The following GSN variants were observed in gnomAD, a reference collection of about 807,000 sequenced individuals.
GSN encodes the protein gelsolin.
GSN carries 56 observed loss-of-function variants against 85.7 expected under a neutral mutation model. That is an observed-to-expected ratio of 0.65 (90% CI 0.53 to 0.82). The LOEUF (loss-of-function observed/expected upper bound fraction) is 0.82, where lower values mean the gene tolerates loss of function less well. GSN is among the 40% of genes least tolerant of loss of function. The pLI, the probability that GSN is intolerant of heterozygous loss-of-function variation, is 0.00. For synonymous variants in GSN, 373 were observed against 399.1 expected (o/e 0.93, Z 0.78); for missense variants, 857 against 979.8 (o/e 0.87, Z 1.67).
Position 121,299,805 on chromosome 9 carries a change from A to T in GSN, c.-9-2158A>T. 1 of 1,278,816 alleles carries T rather than the reference A, an allele frequency of 7.8e-7. No homozygotes were observed. The highest frequency in any genetic ancestry group is 9.9e-7 in the Non-Finnish European group (1 of 1,005,446). The allele number at this position is 1,278,816 out of a possible 1,614,324, so 79.2% of individuals were successfully genotyped here. ...GGGCGGGATGGGCGGGCGGCTACTT[A>T]AGGTCGGCGACCCGAGGCCGCGGCT... On this transcript the variant is annotated intron_variant, in intron 2 of 17. Coordinates refer to ENST00000432226, the MANE Select transcript of GSN (RefSeq NM_198252.3). The surrounding 1 kb of genome is among the most constrained non-coding windows in gnomAD (Gnocchi z 4.2).
At chr9:121,324,023 C>A (rs2062836517) in intron 11 of GSN, among the ~76,000 whole-genome samples, 1 of 152,152 alleles carries the variant, frequency 6.6e-6, no homozygotes, top group African/African-American at 2.4e-5. Flanking sequence ...AGACAATATG[C>A]AAAGAGGTGG....
chr9:121,320,483 A>G (rs1264143515), intron 10 of GSN, among the ~76,000 whole-genome samples: 5 of 152,130 alleles, frequency 3.3e-5, no homozygotes, highest in Non-Finnish European at 7.4e-5. Context: ...CGTCTCTACT[A>G]AAAATACAAA....
At chr9:121,288,776 G>A (rs1340510809) in intron 2 of GSN, among the ~76,000 whole-genome samples, 2 of 152,072 alleles carry the variant, frequency 1.3e-5, no homozygotes, top group Non-Finnish European at 2.9e-5. Context: ...TACTTCTAAG[G>A]GGTGGGACCT....
intron 11 of GSN, 126 bp from the exon 12 acceptor site, chr9:121,324,428 C>T: frequency 1.5e-6 from 1 of 684,676 alleles, no homozygotes; most frequent in East Asian, 2.7e-5. Context: ...CTGAAAGAGT[C>T]CCCTTCCCTC....
At chr9:121,213,544 A>C (rs200905079) in intron 4 of GSN, among the ~76,000 whole-genome samples, 12 of 152,346 alleles carry the variant, frequency 7.9e-5, no homozygotes, top group Admixed American at 5.2e-4. Context: ...CCAAGCCAGA[A>C]GAAAGTGAAG....
At chr9:121,233,309 C>T (rs888848966) in intron 5 of GSN, among the ~76,000 whole-genome samples, 5 of 151,964 alleles carry the variant, frequency 3.3e-5, no homozygotes, top group African/African-American at 1.2e-4. Context: ...ACTAAAAATA[C>T]AAAAAATTAG....
intron 4 of GSN, chr9:121,231,055 G>A (rs1374392980): frequency 2.0e-5 from 3 of 152,160 alleles, no homozygotes; most frequent in Non-Finnish European, 4.4e-5. Context: ...GGTAAGCATC[G>A]CTATACTCCT....
At chr9:121,327,103 A>G (rs1329618365) in intron 13 of GSN, 1 of 716,478 alleles carries the variant, frequency 1.4e-6, no homozygotes. Context: ...TTTTAGAATC[A>G]TGTTGGCTAG....
At chr9:121,294,543 T>C (rs972049634) in intron 2 of GSN, among the ~76,000 whole-genome samples, 1 of 152,156 alleles carries the variant, frequency 6.6e-6, no homozygotes, top group African/African-American at 2.4e-5. Context: ...TGGGGCTGGC[T>C]CCGGAAGCTG....
chr9:121,250,320 T>C (rs2054794195), intron 6 of GSN, among the ~76,000 whole-genome samples: 1 of 150,100 alleles, frequency 6.7e-6, no homozygotes, highest in South Asian at 2.2e-4. Flanking sequence ...ATCTCCTGCC[T>C]CAGCCTCCTG....
In GSN at chr9:121,332,827, AAC is replaced by A; in HGVS notation, c.*226_*227del. 3 of 565,562 alleles carry A rather than the reference AAC, an allele frequency of 5.3e-6. No individual in the cohort carries two copies. The highest frequency in any genetic ancestry group is 9.5e-6 in the Non-Finnish European group (3 of 317,348). The allele number at this position is 565,562 out of a possible 1,614,324, so 35.0% of individuals were successfully genotyped here. ...TGTTTGGGAAATTAAATCCAATAAA[AAC>A]ATTTTGAAGTGTGTACTCTAGTGTG... On this transcript the variant is annotated 3_prime_UTR_variant, in exon 18 of 18. Coordinates refer to ENST00000432226, the MANE Select transcript of GSN (RefSeq NM_198252.3). This position sits in a 1 kb window ranked among gnomAD's most constrained non-coding sequence, Gnocchi z 4.8.
intron 1 of GSN, among the ~76,000 whole-genome samples, chr9:121,270,458 A>G (rs1054930026): frequency 6.6e-6 from 1 of 152,222 alleles, no homozygotes; most frequent in Admixed American, 6.5e-5. Flanking sequence ...AGCAGTGGCC[A>G]CTGGGATGGG....
intron 2 of GSN, among the ~76,000 whole-genome samples, chr9:121,290,245 A>C (rs1221834068): frequency 6.6e-6 from 1 of 152,150 alleles, no homozygotes; most frequent in South Asian, 2.1e-4. Flanking sequence ...ACCCGGGGAC[A>C]GAAGGCAGCA....
chr9:121,299,723 CCAAGATCCGAGACAGA>C lies in GSN; in HGVS notation c.-9-2239_-9-2224del. 9.5e-7 allele frequency: 1 copy of C among 1,052,934 alleles called. No homozygotes were observed. The highest frequency in any genetic ancestry group is 1.2e-6 in the Non-Finnish European group (1 of 842,638). 65.2% of individuals were successfully genotyped at this position (1,052,934 alleles called of 1,614,324 possible). ...GATCCGGGTGGGAACCCAGATGTCT[CCAAGATCCGAGACAGA>C]TCCCCGCCCCGCGCCCTCCCTGGGG... On this transcript the variant is annotated intron_variant, in intron 2 of 17. Transcript: ENST00000432226. The surrounding 1 kb of genome is among the most constrained non-coding windows in gnomAD (Gnocchi z 4.2).
chr9:121,208,020 C>A (rs1410408811), intron 1 of GSN: 1 of 151,860 alleles, frequency 6.6e-6, no homozygotes, highest in Non-Finnish European at 1.5e-5. Context: ...CTCTTGAGCT[C>A]AAGGGATCCA....
intron 4 of GSN, among the ~76,000 whole-genome samples, chr9:121,223,343 A>G (rs979767607): frequency 6.6e-6 from 1 of 152,118 alleles, no homozygotes; most frequent in Non-Finnish European, 1.5e-5. Context: ...ATGTCTGACT[A>G]ACTACCTACT....
At chr9:121,215,927 GA>G (rs1261922063) in intron 4 of GSN, among the ~76,000 whole-genome samples, 1 of 151,682 alleles carries the variant, frequency 6.6e-6, no homozygotes, top group Non-Finnish European at 1.5e-5. Flanking sequence ...AATTAATTTT[GA>G]AAAAAATAGC....
At chr9:121,258,375 A>G (rs898109379) in intron 6 of GSN, among the ~76,000 whole-genome samples, 19 of 152,126 alleles carry the variant, frequency 1.2e-4, no homozygotes, top group Non-Finnish European at 2.4e-4. Context: ...AGGCATGAGA[A>G]TTGCTTGAAC....
chr9:121,255,648 ACTTT>A (rs1179988020), intron 6 of GSN, among the ~76,000 whole-genome samples: 1 of 152,120 alleles, frequency 6.6e-6, no homozygotes, highest in Non-Finnish European at 1.5e-5. Flanking sequence ...AAGGATTTCC[ACTTT>A]CTTTGTTTAT....
Sources: gnomAD v4.1 joint callset for allele counts (sites outside exome capture counted in the v4.1 genomes callset) on GRCh38, gnomAD v4.1.1 for gene constraint, Gnocchi (gnomAD v3.1) non-coding constraint, MANE v1.5 for transcripts, NCBI Gene and HGNC (gene_info 2026-07-23, HGNC 2026-07-21) for gene names.